The following SLCO4C1 variants were observed in gnomAD, a reference collection of about 807,000 sequenced individuals.
The protein encoded by SLCO4C1 is solute carrier organic anion transporter family member 4C1.
SLCO4C1 carries 58 observed loss-of-function variants against 72.1 expected under a neutral mutation model. The observed-to-expected ratio is 0.80, with a 90% CI of 0.65 to 1.00. The LOEUF (loss-of-function observed/expected upper bound fraction) is 1.00. SLCO4C1 is among the 50% of genes least tolerant of loss of function. The pLI, the probability that SLCO4C1 is intolerant of heterozygous loss-of-function variation, is 0.00. For missense variants in SLCO4C1, 898 were observed against 857.9 expected, an observed-to-expected ratio of 1.05 and a Z score of -0.58; for synonymous variants, 297 against 312.5, an observed-to-expected ratio of 0.95 and a Z score of 0.52.
intron 1 of SLCO4C1, among the ~76,000 whole-genome samples, chr5:102,295,620 C>A (rs959184783): frequency 6.6e-6 from 1 of 152,230 alleles, no homozygotes; most frequent in Non-Finnish European, 1.5e-5. Context: ...TTGTAATCTT[C>A]CCTGTAAGTC....
At chr5:102,270,362 C>T (rs553160952) in intron 3 of SLCO4C1, among the ~76,000 whole-genome samples, 23 of 152,166 alleles carry the variant, frequency 1.5e-4, no homozygotes, top group African/African-American at 5.3e-4. Flanking sequence ...AAAGAGAATG[C>T]TGCTTAAATG....
chr5:102,275,485 T>C (rs1419622437), intron 2 of SLCO4C1, among the ~76,000 whole-genome samples: 1 of 152,202 alleles, frequency 6.6e-6, no homozygotes, highest in Non-Finnish European at 1.5e-5. Context: ...TGTAAATCTC[T>C]ATAGGTCACC....
Position 102,295,897 on chromosome 5 carries a change from C to T in SLCO4C1, c.355+11G>A. On this transcript the variant is annotated intron_variant, in intron 1 of 12. Transcript: ENST00000310954. ...CACTGGCCCGAGCCTCAAGCGGGCG[C>T]TGGACTTTACCTTGCGTGACGGCCA... 1 of 1,606,532 alleles carries T rather than the reference C, an allele frequency of 6.2e-7. No homozygotes were observed. Among genetic ancestry groups the T allele is most frequent in the Non-Finnish European group, 8.5e-7 (1 of 1,174,556 alleles).
intron 3 of SLCO4C1, 69 bp downstream of exon 3, chr5:102,270,555 T>C: frequency 7.4e-7 from 1 of 1,350,718 alleles, no homozygotes; most frequent in Non-Finnish European, 9.8e-7. Context: ...GCCTATGTTA[T>C]ACTTTACTTC....
At position 102,268,821 on chromosome 5, in the gene SLCO4C1, A is replaced by G. The variant is rs571187808; in HGVS notation, c.802+1803T>C. On this transcript the variant is annotated intron_variant, in intron 3 of 12. Coordinates refer to ENST00000310954, the MANE Select transcript of SLCO4C1 (RefSeq NM_180991.5). ...TTCCAGATGTAGAACTCCTTTAAGC[A>G]TTTTTTGTAGGGCCGGTCTAGTGAT... Among the ~76,000 whole-genome samples, 23 of 152,082 alleles carry G rather than the reference A, an allele frequency of 1.5e-4. No individual in the cohort carries two copies. In the East Asian group the frequency reaches 3.5e-3, roughly 23 times the overall value.
chr5:102,238,338 T>A (rs1748476959), intron 12 of SLCO4C1, among the ~76,000 whole-genome samples: 1 of 152,126 alleles, frequency 6.6e-6, no homozygotes. Flanking sequence ...TATATAATTT[T>A]AAAAATTGAA....
At chr5:102,293,417 G>A (rs1246819058) in intron 1 of SLCO4C1, among the ~76,000 whole-genome samples, 1 of 151,940 alleles carries the variant, frequency 6.6e-6, no homozygotes, top group African/African-American at 2.4e-5. Flanking sequence ...TGCTATACAA[G>A]TTCCAAGAAC....
chr5:102,256,598 CAT>C (rs1171211951), intron 8 of SLCO4C1, among the ~76,000 whole-genome samples: 1 of 152,142 alleles, frequency 6.6e-6, no homozygotes, highest in Admixed American at 6.5e-5. Flanking sequence ...TAGCTAGAAA[CAT>C]GTCTACAGGT....
chr5:102,284,555 A>G (rs1411623719), intron 2 of SLCO4C1, among the ~76,000 whole-genome samples: 1 of 152,120 alleles, frequency 6.6e-6, no homozygotes, highest in Admixed American at 6.5e-5. Flanking sequence ...AACTCTACAT[A>G]TCATACCCCT....
At chr5:102,254,469 G>C (rs1026469611) in intron 8 of SLCO4C1, among the ~76,000 whole-genome samples, 1 of 151,992 alleles carries the variant, frequency 6.6e-6, no homozygotes, top group Non-Finnish European at 1.5e-5. Context: ...ATTGTTTCAG[G>C]ACACCATGAA....
intron 2 of SLCO4C1, among the ~76,000 whole-genome samples, chr5:102,281,725 T>C (rs944948374): frequency 2.6e-5 from 4 of 152,128 alleles, no homozygotes; most frequent in Non-Finnish European, 5.9e-5. Flanking sequence ...ACAACGAGAT[T>C]TCACTGTACA....
chr5:102,253,843 G>A (rs1185478694), intron 8 of SLCO4C1, among the ~76,000 whole-genome samples: 1 of 151,312 alleles, frequency 6.6e-6, no homozygotes, highest in Non-Finnish European at 1.5e-5. Context: ...TCAGTACTAT[G>A]CTTGGTACCT....
chr5:102,280,696 G>A (rs78037252), intron 2 of SLCO4C1, among the ~76,000 whole-genome samples: 1 of 152,234 alleles, frequency 6.6e-6, no homozygotes, highest in African/African-American at 2.4e-5. Context: ...TTACATGGTC[G>A]CAGGCGAGAG....
At chr5:102,285,260 C>G (rs859512) in intron 2 of SLCO4C1, among the ~76,000 whole-genome samples, 1 of 151,000 alleles carries the variant, frequency 6.6e-6, no homozygotes, top group Non-Finnish European at 1.5e-5. Flanking sequence ...CACATATATA[C>G]ACACACACAC....
chr5:102,270,489 A>G, intron 3 of SLCO4C1, 135 bp downstream of exon 3: 2 of 583,760 alleles, frequency 3.4e-6, no homozygotes. Flanking sequence ...AAACAAAAGT[A>G]ATACTGCATT....
At chr5:102,276,936 G>A (rs1749257023) in intron 2 of SLCO4C1, among the ~76,000 whole-genome samples, 1 of 152,082 alleles carries the variant, frequency 6.6e-6, no homozygotes, top group Admixed American at 6.6e-5. Flanking sequence ...TGGATTATTA[G>A]CTATAGTAGT....
intron 2 of SLCO4C1, among the ~76,000 whole-genome samples, chr5:102,287,852 C>T (rs1228876420): frequency 1.3e-5 from 2 of 151,990 alleles, no homozygotes; most frequent in Admixed American, 1.3e-4. Context: ...TTGCGCCCGG[C>T]CAGGTTTTAT....
At chr5:102,267,773 C>T (rs1462271917) in intron 3 of SLCO4C1, among the ~76,000 whole-genome samples, 1 of 151,788 alleles carries the variant, frequency 6.6e-6, no homozygotes, top group Non-Finnish European at 1.5e-5. Context: ...GTTAGCATTG[C>T]TTTTGCTGTA....
Position 102,270,703 on chromosome 5 carries a change from T to C in SLCO4C1, c.723A>G (p.Ala241=). Residue 241 remains alanine, a synonymous_variant, in exon 3 of 13, where the codon GCA becomes GCG. Transcript: ENST00000310954. ...VFILGQLLLG[A]GGTPLYTLGT... is the part of the protein sequence containing the mutation. ...CCAGAGTATAAAGAGGAGTTCCTCC[T>C]GCCCCCAGCAATAGTTGTCCCAAGA... is the stretch of plus-strand genomic sequence containing the variant. 6.2e-7 allele frequency: 1 copy of C among 1,613,328 alleles called. No homozygotes were observed. Among genetic ancestry groups the C allele is most frequent in the Non-Finnish European group, 8.5e-7 (1 of 1,179,562 alleles).
Sources: gnomAD v4.1 joint callset for allele counts (sites outside exome capture counted in the v4.1 genomes callset) on GRCh38, gnomAD v4.1.1 for gene constraint, MANE v1.5 for transcripts, NCBI Gene and HGNC (gene_info 2026-07-23, HGNC 2026-07-21) for gene names.